The following ODAD2 variants were observed in gnomAD, a reference collection of about 807,000 sequenced individuals.
ODAD2 encodes outer dynein arm docking complex subunit 2, also known as outer dynein arm-docking complex subunit 2.
In ODAD2, 89 loss-of-function variants were observed where a neutral mutation model predicts 106.8. That is an observed-to-expected ratio of 0.83 (90% CI 0.70 to 0.99). ODAD2 has a LOEUF of 0.99. Among genes scored for constraint, ODAD2 ranks in the 50% least tolerant of loss-of-function variants. ODAD2 has a pLI of 0.00. For synonymous variants in ODAD2, 404 were observed against 436.2 expected, an observed-to-expected ratio of 0.93 and a Z score of 0.92; for missense variants, 1,168 against 1,238.5, an observed-to-expected ratio of 0.94 and a Z score of 0.85.
intron 19 of ODAD2, among the ~76,000 whole-genome samples, chr10:27,856,335 A>G (rs1257642967): frequency 1.3e-5 from 2 of 152,178 alleles, no homozygotes. Context: ...TTTCAACATA[A>G]GTGGATCAGG....
chr10:27,963,807 T>C (rs533493045), intron 9 of ODAD2, among the ~76,000 whole-genome samples: 2,545 of 127,214 alleles, frequency 0.02, 29 homozygotes, highest in Middle Eastern at 0.035. Context: ...GTGAGTTTTT[T>C]AGACCCCCAT....
intron 6 of ODAD2, among the ~76,000 whole-genome samples, chr10:27,983,521 T>C (rs1276484957): frequency 6.6e-6 from 1 of 152,234 alleles, no homozygotes; most frequent in Admixed American, 6.5e-5. Context: ...ATTATCTCAA[T>C]GTTTCTTTTT....
rs192942472 is a variant in ODAD2 at position 27,812,218 on chromosome 10, C to G, written c.*294G>C. On this transcript the variant is annotated 3_prime_UTR_variant, in exon 20 of 20. Coordinates refer to ENST00000305242, the MANE Select transcript of ODAD2 (RefSeq NM_018076.5). The stretch of plus-strand genomic sequence containing the variant: ...AAAATCGCCACAAATACAAAAGCAT[C>G]ACTGAACTAAAAATACATCATATAC... The G allele has an allele frequency of 1.9e-4, 61 of 324,364 alleles. No homozygotes were observed. The highest frequency in any genetic ancestry group is 2.9e-4 in the Non-Finnish European group (52 of 180,894). The allele number at this position is 324,364 out of a possible 1,614,324, so 20.1% of individuals were successfully genotyped here.
intron 14 of ODAD2, among the ~76,000 whole-genome samples, chr10:27,939,077 T>C (rs1319782035): frequency 6.6e-6 from 1 of 152,174 alleles, no homozygotes; most frequent in African/African-American, 2.4e-5. Flanking sequence ...CTATGAAATG[T>C]ATCATACACA....
chr10:27,944,459 C>T lies in ODAD2; in HGVS notation c.1534-28G>A, dbSNP rs76030084. 5.0e-3 allele frequency: 7,810 copies of T among 1,575,018 alleles called. 326 individuals are homozygous for T. The African/African-American group carries it at 0.09, about 18-fold the overall frequency. On this transcript the variant is annotated intron_variant, in intron 11 of 19. Transcript: ENST00000305242. The stretch of plus-strand genomic sequence containing the variant: ...GTGTGAGAAAAAAAAAGATGAGTGG[C>T]GAATATGTAACCCGTGCTATGTTTT...
At chr10:27,955,180 G>A (rs1178063497) in intron 10 of ODAD2, among the ~76,000 whole-genome samples, 3 of 151,942 alleles carry the variant, frequency 2.0e-5, no homozygotes, top group Admixed American at 6.6e-5. Flanking sequence ...ATTGTTTTCC[G>A]TTTTCGAAAT....
intron 17 of ODAD2, among the ~76,000 whole-genome samples, chr10:27,874,860 T>A: frequency 6.6e-6 from 1 of 152,192 alleles, no homozygotes; most frequent in East Asian, 1.9e-4. Flanking sequence ...GAGGAGTATC[T>A]TTGTGGTGTT....
intron 19 of ODAD2, among the ~76,000 whole-genome samples, chr10:27,859,345 G>A (rs1839881479): frequency 6.6e-6 from 1 of 152,128 alleles, no homozygotes; most frequent in East Asian, 1.9e-4. Context: ...TAATGGAAAG[G>A]TTGACACATT....
chr10:27,993,885 T>C (rs1850378446), intron 2 of ODAD2, among the ~76,000 whole-genome samples: 1 of 151,256 alleles, frequency 6.6e-6, no homozygotes, highest in African/African-American at 2.4e-5. Context: ...CTTTAAAAGT[T>C]CATATCCAGA....
At chr10:27,893,875 T>G (rs1301810069) in intron 17 of ODAD2, among the ~76,000 whole-genome samples, 5 of 152,230 alleles carry the variant, frequency 3.3e-5, no homozygotes, top group Non-Finnish European at 5.9e-5. Context: ...GAAGGCCAGG[T>G]GTGGTGACTC....
intron 17 of ODAD2, among the ~76,000 whole-genome samples, chr10:27,903,278 T>G (rs943679967): frequency 3.9e-5 from 6 of 152,180 alleles, no homozygotes; most frequent in Non-Finnish European, 8.8e-5. Context: ...CTCAATAAAC[T>G]AATTATTGAT....
intron 10 of ODAD2, among the ~76,000 whole-genome samples, chr10:27,951,597 T>C (rs1455254319): frequency 1.3e-5 from 2 of 151,402 alleles, no homozygotes; most frequent in Non-Finnish European, 2.9e-5. Flanking sequence ...ATACATAAAG[T>C]GAATTCCAGA....
At chr10:27,999,663 G>A (rs1395061108), upstream of ODAD2, 2 of 151,428 alleles carry the variant, frequency 1.3e-5, no homozygotes, top group African/African-American at 4.9e-5. Context: ...TAAAGGAGTG[G>A]GAATATTGAG....
At chr10:27,887,214 A>G (rs1564468632) in intron 17 of ODAD2, among the ~76,000 whole-genome samples, 2 of 152,214 alleles carry the variant, frequency 1.3e-5, no homozygotes, top group Non-Finnish European at 1.5e-5. Flanking sequence ...AAGATTGTCC[A>G]TACCAATAAC....
chr10:27,862,322 A>C, intron 18 of ODAD2, 112 bp downstream of exon 18: 2 of 708,216 alleles, frequency 2.8e-6, no homozygotes, highest in Non-Finnish European at 4.4e-6. Flanking sequence ...CTCATAAGCA[A>C]TGGGTATTAA....
chr10:27,972,342 A>G (rs765139592), intron 7 of ODAD2, among the ~76,000 whole-genome samples: 1 of 152,202 alleles, frequency 6.6e-6, no homozygotes, highest in Non-Finnish European at 1.5e-5. Flanking sequence ...GCTCAATTCA[A>G]AAGGGGCAGA....
intron 10 of ODAD2, among the ~76,000 whole-genome samples, chr10:27,952,472 T>C (rs960024468): frequency 8.5e-5 from 13 of 152,126 alleles, no homozygotes; most frequent in Non-Finnish European, 1.5e-4. Context: ...GTGTGCCATG[T>C]GGTTTGCTGC....
intron 19 of ODAD2, among the ~76,000 whole-genome samples, chr10:27,852,989 A>G (rs1839387940): frequency 6.6e-6 from 1 of 150,894 alleles, no homozygotes; most frequent in Admixed American, 6.6e-5. Flanking sequence ...AAGAAAAGCT[A>G]ACCGTGTCAA....
intron 6 of ODAD2, 25 bp downstream of exon 6, chr10:27,983,818 G>A: frequency 6.2e-7 from 1 of 1,609,556 alleles, no homozygotes; most frequent in Non-Finnish European, 8.5e-7. Context: ...ACTGGCTTTA[G>A]TTACGTTTTT....
Sources: gnomAD v4.1 joint callset for allele counts (sites outside exome capture counted in the v4.1 genomes callset) on GRCh38, gnomAD v4.1.1 for gene constraint, MANE v1.5 for transcripts, NCBI Gene and HGNC (gene_info 2026-07-23, HGNC 2026-07-21) for gene names.